The following RNF17 variants were observed in gnomAD, a reference collection of about 807,000 sequenced individuals.
The protein encoded by RNF17 is spermatogenesis associated 23.
RNF17 carries 31 observed loss-of-function variants against 200.5 expected under a neutral mutation model. The ratio of observed to expected loss-of-function variants is 0.15; its 90% CI spans 0.12 to 0.21. The LOEUF is 0.21. RNF17 is among the 10% of genes least tolerant of loss of function. RNF17 has a pLI of 1.00. For missense variants in RNF17, 1,628 were observed against 1,905.1 expected (o/e 0.85, Z 2.71); for synonymous variants, 606 against 637.8 (o/e 0.95, Z 0.75).
intron 5 of RNF17, among the ~76,000 whole-genome samples, chr13:24,780,323 A>T (rs74962364): frequency 6.6e-6 from 1 of 152,180 alleles, no homozygotes; most frequent in African/African-American, 2.4e-5. Flanking sequence ...AAAAAACAAC[A>T]TTGAGAGAAA....
intron 26 of RNF17, among the ~76,000 whole-genome samples, chr13:24,860,742 CA>C (rs553048083): frequency 6.6e-6 from 1 of 150,634 alleles, no homozygotes; most frequent in Non-Finnish European, 1.5e-5. Flanking sequence ...AGTTTTTTTT[CA>C]AAAAAAAGTC....
upstream of RNF17, chr13:24,764,153 A>C (rs1333842554): frequency 6.5e-7 from 1 of 1,527,728 alleles, no homozygotes; most frequent in Non-Finnish European, 8.9e-7. Context: ...CGCTGCCGCG[A>C]GGGCCGCCGG....
the RNF17 span, among the ~76,000 whole-genome samples, chr13:24,756,509 G>GT: frequency 1.3e-5 from 2 of 148,776 alleles, no homozygotes; most frequent in African/African-American, 4.9e-5. Flanking sequence ...AATTCTGTTG[G>GT]GTTTTTTTTT....
intron 15 of RNF17, among the ~76,000 whole-genome samples, chr13:24,810,805 C>CT (rs1178001569): frequency 6.7e-6 from 1 of 148,904 alleles, no homozygotes; most frequent in Non-Finnish European, 1.5e-5. Context: ...ATGTTTAGCG[C>CT]TTCCTTCAGG....
chr13:24,883,674 C>T (rs1203993091), downstream of RNF17, among the ~76,000 whole-genome samples: 2 of 152,136 alleles, frequency 1.3e-5, no homozygotes, highest in Admixed American at 1.3e-4. Flanking sequence ...ATTTAAAAAC[C>T]ATCTGAGTGT....
intron 2 of RNF17, among the ~76,000 whole-genome samples, chr13:24,768,573 C>T (rs1593202574): frequency 1.3e-5 from 2 of 152,194 alleles, no homozygotes; most frequent in African/African-American, 2.4e-5. Context: ...CATGAGCCAC[C>T]GCGCCTGGCC....
intron 6 of RNF17, among the ~76,000 whole-genome samples, chr13:24,783,301 G>C (rs1882679092): frequency 6.6e-6 from 1 of 152,116 alleles, no homozygotes; most frequent in African/African-American, 2.4e-5. Flanking sequence ...CTGTTGTTTT[G>C]TAGTAAGTTT....
chr13:24,872,774 A>T, intron 32 of RNF17, among the ~76,000 whole-genome samples: 1 of 152,192 alleles, frequency 6.6e-6, no homozygotes, highest in Non-Finnish European at 1.5e-5. Context: ...GAAGAATGAT[A>T]ACTGCTCAAG....
chr13:24,765,253 G>A (rs991287178), intron 1 of RNF17, among the ~76,000 whole-genome samples: 1 of 152,080 alleles, frequency 6.6e-6, no homozygotes, highest in African/African-American at 2.4e-5. Flanking sequence ...CTGACCTCGT[G>A]ATCCGCCCGT....
chr13:24,859,384 T>C (rs928573139), intron 26 of RNF17, among the ~76,000 whole-genome samples: 2 of 152,204 alleles, frequency 1.3e-5, no homozygotes, highest in African/African-American at 2.4e-5. Flanking sequence ...GATTTGATCA[T>C]TGGTTAATGG....
At chr13:24,795,414 G>T in intron 10 of RNF17, among the ~76,000 whole-genome samples, 1 of 146,828 alleles carries the variant, frequency 6.8e-6, no homozygotes, top group African/African-American at 2.5e-5. Flanking sequence ...TGTGTGTGTG[G>T]CGGGGGTGTC....
At chr13:24,768,699 T>A (rs1320303386) in intron 2 of RNF17, among the ~76,000 whole-genome samples, 9 of 152,016 alleles carry the variant, frequency 5.9e-5, no homozygotes, top group Non-Finnish European at 8.8e-5. Flanking sequence ...AATGCAGTTC[T>A]CATTCTGTCA....
intron 3 of RNF17, among the ~76,000 whole-genome samples, chr13:24,776,893 G>A (rs1323954751): frequency 6.6e-6 from 1 of 152,190 alleles, no homozygotes; most frequent in African/African-American, 2.4e-5. Context: ...CATGATGCCA[G>A]TCAAACCAGG....
At position 24,869,293 on chromosome 13, in the gene RNF17, G is replaced by A. The variant is rs1238400107; in HGVS notation, c.4278+577G>A. Among the ~76,000 whole-genome samples the A allele has an allele frequency of 2.6e-5, 4 of 152,228 alleles. No individual in the cohort carries two copies. In the East Asian group the frequency reaches 7.7e-4, roughly 29 times the overall value. ...AGCAGCTCCTTCAGCCTTTTACACA[G>A]TAAGCCATTCTCTCACAGGCAGGGG... is the stretch of plus-strand genomic sequence containing the variant. On this transcript the variant is annotated intron_variant, in intron 31 of 35. Coordinates refer to ENST00000255324, the MANE Select transcript of RNF17 (RefSeq NM_031277.3).
At chr13:24,844,123 A>G (rs573842933) in intron 20 of RNF17, 152 bp downstream of exon 20, 219 of 345,396 alleles carry the variant, frequency 6.3e-4, no homozygotes, top group African/African-American at 4.1e-3. Flanking sequence ...TGAAAATAGG[A>G]AATCTGTTGG....
chr13:24,853,755 C>G (rs1278563601), intron 24 of RNF17, 100 bp from the exon 25 acceptor site: 1 of 831,636 alleles, frequency 1.2e-6, no homozygotes, highest in East Asian at 2.9e-5. Context: ...CAAATATTTT[C>G]TTTCAATTTC....
At position 24,853,998 on chromosome 13, in the gene RNF17, A is replaced by T; in HGVS notation, c.3464A>T (p.Lys1155Ile). The T allele has an allele frequency of 6.2e-7, 1 of 1,614,182 alleles. No individual in the cohort carries two copies. Among genetic ancestry groups the T allele is most frequent in the Non-Finnish European group, 8.5e-7 (1 of 1,180,008 alleles). Residue 1155 changes from lysine to isoleucine, a missense_variant, in exon 25 of 36, where the codon AAA becomes ATA. By Grantham distance (102) the Lys-to-Ile change is moderately radical. Around this residue, in one of 5 missense-constraint regions of RNF17, gnomAD observed 609 missense variants for 681.9 expected, o/e 0.89. Transcript: ENST00000255324. ...ACTGCTGACATAATCAGTGAACAGAAAGTGTCTGAATTTCAGGAGAAAATT... is the reference window on the plus strand; with the variant it reads ...ACTGCTGACATAATCAGTGAACAGATAGTGTCTGAATTTCAGGAGAAAATT... Reference protein sequence around the residue: ...KKTADIISEQKVSEFQEKILE... With the variant: ...KKTADIISEQIVSEFQEKILE...
intron 31 of RNF17, among the ~76,000 whole-genome samples, chr13:24,870,175 T>C (rs917702097): frequency 2.6e-5 from 4 of 152,106 alleles, no homozygotes; most frequent in African/African-American, 4.8e-5. Context: ...CTCGATCTCC[T>C]GACCTTGTGA....
chr13:24,864,359 T>C (rs1395613640), intron 28 of RNF17, among the ~76,000 whole-genome samples: 2 of 152,120 alleles, frequency 1.3e-5, no homozygotes, highest in Admixed American at 1.3e-4. Context: ...GTGGGATCAG[T>C]GGAAATGAAG....
Sources: gnomAD v4.1 joint callset for allele counts (sites outside exome capture counted in the v4.1 genomes callset) on GRCh38, gnomAD v4.1.1 for gene constraint, gnomAD v4.1.1 regional missense constraint, MANE v1.5 for transcripts, NCBI Gene and HGNC (gene_info 2026-07-23, HGNC 2026-07-21) for gene names.